The following PRMT8 variants were observed in gnomAD, a reference collection of about 807,000 sequenced individuals.
PRMT8 encodes the protein protein arginine methyltransferase 8.
PRMT8 carries 7 observed loss-of-function variants against 47.1 expected under a neutral mutation model. The observed-to-expected ratio is 0.15, with a 90% CI of 0.08 to 0.28. The LOEUF (loss-of-function observed/expected upper bound fraction) is 0.28. Ranked by LOEUF, PRMT8 falls within the 10% of genes least tolerant of loss-of-function variation. The pLI is 1.00. For synonymous variants in PRMT8, 188 were observed against 186.5 expected (o/e 1.01, Z -0.07); for missense variants, 237 against 505.4 (o/e 0.47, Z 5.09).
rs1240984606 is a variant in PRMT8 at position 3,493,125 on chromosome 12, C to T, written c.75+1425C>T. On this transcript the variant is annotated intron_variant, in intron 1 of 9. Coordinates refer to ENST00000382622, the MANE Select transcript of PRMT8 (RefSeq NM_019854.5). The surrounding 1 kb of genome is among the most constrained non-coding windows in gnomAD (Gnocchi z 8.2). ...TGTCAATTTCAAAACAAACACGCTC[C>T]GGGACTTGAACGCAGCGGGGCATTC... Among the ~76,000 whole-genome samples the T allele has an allele frequency of 6.6e-6, 1 of 152,180 alleles. No homozygotes were observed. The highest frequency in any genetic ancestry group is 6.5e-5 in the Admixed American group (1 of 15,280).
Position 3,576,931 on chromosome 12 carries a change from C to T in PRMT8, c.773C>T (p.Pro258Leu), listed in dbSNP as rs369649323. 1 of 1,614,044 alleles carries T rather than the reference C, an allele frequency of 6.2e-7. No homozygotes were observed. Among genetic ancestry groups the T allele is most frequent in the Non-Finnish European group, 8.5e-7 (1 of 1,180,030 alleles). ...TCIRDVAMKE[P>L]LVDIVDPKQV... ...ATCCGGGACGTGGCCATGAAGGAGC[C>T]TCTAGTGGACATCGTGGATCCAAAG... The change falls in exon 7 of 10, where the codon CCT (proline) becomes CTT (leucine). Residue 258 changes from proline (P) to leucine (L), a missense_variant. Transcript: ENST00000382622. This position sits in a 1 kb window ranked among gnomAD's most constrained non-coding sequence, Gnocchi z 4.0.
chr12:3,440,173 T>A (rs569107293), intron 1 of PRMT8, among the ~76,000 whole-genome samples: 1 of 152,290 alleles, frequency 6.6e-6, no homozygotes, highest in East Asian at 1.9e-4. Context: ...TTAAAAAACC[T>A]ATCTAGGCCG....
At chr12:3,498,068 T>C (rs1432456779) in intron 1 of PRMT8, among the ~76,000 whole-genome samples, 1 of 152,252 alleles carries the variant, frequency 6.6e-6, no homozygotes, top group Non-Finnish European at 1.5e-5. Flanking sequence ...TTTCTCTGCA[T>C]AAGGTCTAGG....
chr12:3,464,981 G>C (rs71458060), intron 1 of PRMT8, among the ~76,000 whole-genome samples: 1 of 151,242 alleles, frequency 6.6e-6, no homozygotes, highest in African/African-American at 2.4e-5. Context: ...AAAATTAGCC[G>C]GGCGTGGTGG....
In PRMT8 at chr12:3,491,740, C is replaced by T. The variant is rs1249156208; in HGVS notation, c.75+40C>T. 3.8e-6 allele frequency: 6 copies of T among 1,576,104 alleles called. No individual in the cohort carries two copies. The African/African-American group carries it at 4.1e-5, about 11-fold the overall frequency. ...GAGCAGGGGCTCTCGGAGACCCCGC[C>T]GCCCACCCGGACCACCGCGCCGCCG... On this transcript the variant is annotated intron_variant, in intron 1 of 9. Transcript: ENST00000382622.
chr12:3,580,337 C>CGCGT lies in PRMT8; in HGVS notation c.829-2720_829-2719insCGTG, dbSNP rs1555097877. On this transcript the variant is annotated intron_variant, in intron 7 of 9. Coordinates refer to ENST00000382622, the MANE Select transcript of PRMT8 (RefSeq NM_019854.5). This position sits in a 1 kb window ranked among gnomAD's most constrained non-coding sequence, Gnocchi z 4.6. ...TCCTGCCAGATGGGGGGTGCGTGTG[C>CGCGT]GTGTGTGTGTGTGTGTGTGTGTGTG... Among the ~76,000 whole-genome samples, 20 of 145,644 alleles carry CGCGT rather than the reference C, an allele frequency of 1.4e-4. No homozygotes were observed. The highest frequency in any genetic ancestry group is 5.0e-4 in the African/African-American group (20 of 39,636).
At chr12:3,556,594 G>C (rs1337641216) in intron 4 of PRMT8, among the ~76,000 whole-genome samples, 1 of 152,052 alleles carries the variant, frequency 6.6e-6, no homozygotes, top group Non-Finnish European at 1.5e-5. Flanking sequence ...AAGACTGTGA[G>C]GCAAGGACCA....
chr12:3,540,613 G>GGCCCCCCCGC lies in PRMT8; in HGVS notation c.83_84insGCCCCCCCGC (p.Ser28ArgfsTer17). The GGCCCCCCCGC allele has an allele frequency of 8.8e-7, 1 of 1,130,522 alleles. No homozygotes were observed. The highest frequency in any genetic ancestry group is 1.3e-6 in the Non-Finnish European group (1 of 752,492). 70.0% of individuals were successfully genotyped at this position (1,130,522 alleles called of 1,614,324 possible). A position where few individuals can be genotyped will look rare whatever the true frequency, so the allele number is the denominator to read the frequency against. ...CCCTTCTCTTCCCCTCAGGTGAACAGCCCCCCCTCCCAGCCCCCCCAGCCC... is the reference window on the plus strand; with the variant it reads ...CCCTTCTCTTCCCCTCAGGTGAACAGGCCCCCCCGCCCCCCCCTCCCAGCCCCCCCAGCCC... On this transcript the variant is annotated frameshift_variant, in exon 2 of 10. Transcript: ENST00000382622. LOFTEE classifies it high-confidence loss of function.
In PRMT8 at chr12:3,436,051, A is replaced by G. The variant is rs1304440566; in HGVS notation, c.48+54609A>G. On this transcript the variant is annotated intron_variant, in intron 1 of 9. Coordinates refer to the PRMT8 transcript ENST00000452611. This position sits in a 1 kb window ranked among gnomAD's most constrained non-coding sequence, Gnocchi z 4.2. The stretch of plus-strand genomic sequence containing the variant: ...GGGAGATGGTATGTGTTCAGGATGG[A>G]GAGTTCACACCTGTGGTGAGGTTGG... Among the ~76,000 whole-genome samples, 1 of 152,038 alleles carries G rather than the reference A, an allele frequency of 6.6e-6. No homozygotes were observed. Among genetic ancestry groups the G allele is most frequent in the African/African-American group, 2.4e-5 (1 of 41,392 alleles).
intron 3 of PRMT8, chr12:3,553,413 A>C: frequency 6.8e-6 from 4 of 592,426 alleles, no homozygotes; most frequent in Non-Finnish European, 3.0e-6. Flanking sequence ...CAATCCCTCC[A>C]TCACGGGTGG....
intron 1 of PRMT8, among the ~76,000 whole-genome samples, chr12:3,430,357 GC>G (rs1437375062): frequency 6.6e-6 from 1 of 152,184 alleles, no homozygotes; most frequent in Non-Finnish European, 1.5e-5. Flanking sequence ...TTCCATTTCT[GC>G]CTTTAGTTTT....
In PRMT8 at chr12:3,538,159, A is replaced by T. The variant is rs189522460; in HGVS notation, c.76-2447A>T. Reference sequence around the variant, plus strand: ...GCCAAAATCCGTTCAAAAAGCTCCCACCTCACCCCACCTCCTGCTATCCCA... The same window carrying T: ...GCCAAAATCCGTTCAAAAAGCTCCCTCCTCACCCCACCTCCTGCTATCCCA... On this transcript the variant is annotated intron_variant, in intron 1 of 9. Transcript: ENST00000382622. The surrounding 1 kb of genome is among the most constrained non-coding windows in gnomAD (Gnocchi z 4.6). 6.6e-6 allele frequency: 1 copy of T among 152,616 alleles called. No individual in the cohort carries two copies. The highest frequency in any genetic ancestry group is 1.9e-4 in the East Asian group (1 of 5,186). The allele number at this position is 152,616 out of a possible 1,614,324, so 9.5% of individuals were successfully genotyped here.
intron 8 of PRMT8, among the ~76,000 whole-genome samples, 153 bp from the exon 9 acceptor site, chr12:3,592,078 T>A (rs2137240454): frequency 6.6e-6 from 1 of 152,084 alleles, no homozygotes; most frequent in East Asian, 1.9e-4. Context: ...CTATAAGGAC[T>A]ATGCACCTGA....
chr12:3,506,188 A>G (rs1322236348), intron 1 of PRMT8, among the ~76,000 whole-genome samples: 5 of 152,174 alleles, frequency 3.3e-5, no homozygotes, highest in Non-Finnish European at 7.3e-5. Flanking sequence ...TTCATCCTCT[A>G]TGATATGTAT....
chr12:3,404,744 ACTCT>A (rs887585217), intron 1 of PRMT8, among the ~76,000 whole-genome samples: 17 of 151,480 alleles, frequency 1.1e-4, no homozygotes, highest in African/African-American at 2.9e-4. Flanking sequence ...GATGTATTAA[ACTCT>A]CTCTCTATGA....
intron 1 of PRMT8, among the ~76,000 whole-genome samples, chr12:3,420,913 G>A (rs960389260): frequency 6.6e-6 from 1 of 152,224 alleles, no homozygotes; most frequent in East Asian, 1.9e-4. Context: ...GTGCAGTTCC[G>A]TGGGGAAGGG....
At chr12:3,586,750 A>T (rs1044929181) in intron 8 of PRMT8, among the ~76,000 whole-genome samples, 8 of 152,220 alleles carry the variant, frequency 5.3e-5, no homozygotes, top group African/African-American at 1.9e-4. Context: ...GCCCTGAACC[A>T]GAGGGTTGAG....
rs918075056 is a variant in PRMT8 at position 3,538,320 on chromosome 12, A to G, written c.76-2286A>G. On this transcript the variant is annotated intron_variant, in intron 1 of 9. Transcript: ENST00000382622. This position sits in a 1 kb window ranked among gnomAD's most constrained non-coding sequence, Gnocchi z 4.6. Reference sequence around the variant, plus strand: ...CAATAAGGGTCTTAGAATCTAGAAAACAGGGTCCTGGGAGGGCACAGTTCC... The same window carrying G: ...CAATAAGGGTCTTAGAATCTAGAAAGCAGGGTCCTGGGAGGGCACAGTTCC... 2 of 222,092 alleles carry G rather than the reference A, an allele frequency of 9.0e-6. No individual in the cohort carries two copies. Among genetic ancestry groups the G allele is most frequent in the African/African-American group, 4.5e-5 (2 of 44,262 alleles). The allele number at this position is 222,092 out of a possible 1,614,324, so 13.8% of individuals were successfully genotyped here.
chr12:3,418,483 A>C (rs1864506372), intron 1 of PRMT8, among the ~76,000 whole-genome samples: 1 of 152,178 alleles, frequency 6.6e-6, no homozygotes. Context: ...GGCTGGTCCT[A>C]TCCTCCAAGC....
Sources: allele counts gnomAD v4.1 joint callset (sites outside exome capture counted in the v4.1 genomes callset), GRCh38; gene constraint gnomAD v4.1.1; non-coding constraint Gnocchi (gnomAD v3.1); transcripts MANE v1.5; gene names NCBI Gene and HGNC (gene_info 2026-07-23, HGNC 2026-07-21).